REPIN1: variants seen among roughly 807,000 people sequenced by gnomAD.
REPIN1 encodes replication initiator 1.
REPIN1 carries 4 observed loss-of-function variants against 5.7 expected under a neutral mutation model. The observed-to-expected ratio is 0.71, with a 90% CI of 0.35 to 1.62. REPIN1 has a LOEUF of 1.62. Among genes scored for constraint, REPIN1 ranks in the 40% most tolerant of loss-of-function variants. The pLI is 0.05. For missense variants in REPIN1, 854 were observed against 901.0 expected, an observed-to-expected ratio of 0.95 and a Z score of 0.67; for synonymous variants, 410 against 386.2, an observed-to-expected ratio of 1.06 and a Z score of -0.72.
At chr7:150,368,783 C>G (rs1799105801), upstream of REPIN1, 1 of 289,340 alleles carries the variant, frequency 3.5e-6, no homozygotes, top group South Asian at 1.7e-4. Flanking sequence ...TCACGTGGCG[C>G]TGGGAACCCG....
In REPIN1 at chr7:150,372,508, C is replaced by A; in HGVS notation, c.1438C>A (p.Arg480Ser). 2 of 1,551,460 alleles carry A rather than the reference C, an allele frequency of 1.3e-6. No homozygotes were observed. The highest frequency in any genetic ancestry group is 1.2e-5 in the South Asian group (1 of 84,044). Residue 480 changes from arginine to serine, a missense_variant, in exon 3 of 3, where the codon CGC becomes AGC. Physicochemically the swap from Arg to Ser is moderately radical, Grantham distance 110 (BLOSUM62 -1). Transcript: ENST00000489432. The stretch of plus-strand genomic sequence containing the variant: ...GAAGACGCACCTGGTGGCGCACTCG[C>A]GCGTGCACTCCGGCGAGCGGCCCTT... ...GKKTHLVAHSRVHSGERPFAC... is the reference protein window; with the variant it reads ...GKKTHLVAHSSVHSGERPFAC...
chr7:150,372,366 C>T lies in REPIN1; in HGVS notation c.1296C>T (p.Tyr432=). The T allele has an allele frequency of 6.7e-7, 1 of 1,497,510 alleles. No individual in the cohort carries two copies. Among genetic ancestry groups the T allele is most frequent in the Non-Finnish European group, 8.8e-7 (1 of 1,131,116 alleles). The allele number at this position is 1,497,510 out of a possible 1,614,324, so 92.8% of individuals were successfully genotyped here. ...QDPIEAPPSL[Y]SCDDCGRSFR... ...CGATCGAAGCCCCCCCCTCCCTCTA[C>T]AGCTGCGACGACTGCGGCAGGAGCT... Residue 432 remains tyrosine (Y), a synonymous_variant, in exon 3 of 3, where the codon TAC becomes TAT. Transcript: ENST00000489432.
chr7:150,369,616 G>T, intron 1 of REPIN1, 55 bp from the exon 2 acceptor site: 1 of 1,529,812 alleles, frequency 6.5e-7, no homozygotes, highest in South Asian at 1.2e-5. Flanking sequence ...ACACAAAGCT[G>T]ACTGCCCTAG....
Position 150,369,463 on chromosome 7 carries a change from G to A in REPIN1, c.-41-208G>A, listed in dbSNP as rs1799282099. 5 of 544,912 alleles carry A rather than the reference G, an allele frequency of 9.2e-6. No homozygotes were observed. The East Asian group carries it at 1.6e-4, about 17-fold the overall frequency. The allele number at this position is 544,912 out of a possible 1,614,324, so 33.8% of individuals were successfully genotyped here. A position where few individuals can be genotyped will look rare whatever the true frequency, so the allele number is the denominator to read the frequency against. On this transcript the variant is annotated intron_variant, in intron 1 of 2. Coordinates refer to ENST00000489432, the MANE Select transcript of REPIN1 (RefSeq NM_001099695.2). The stretch of plus-strand genomic sequence containing the variant: ...CCTTACCAGGGAAGAAAGTGACCCC[G>A]AAAGACAGCAGTGTGCTTCCTTGTT...
intron 1 of REPIN1, chr7:150,369,397 A>G: frequency 9.0e-6 from 4 of 444,276 alleles, no homozygotes; most frequent in Non-Finnish European, 1.7e-5. Context: ...CATCAGGGAA[A>G]GCCCAGACTC....
Position 150,371,882 on chromosome 7 carries a change from C to CCCGG in REPIN1, c.815_818dup (p.Arg274AlafsTer61). 1 of 1,605,888 alleles carries CCCGG rather than the reference C, an allele frequency of 6.2e-7. No homozygotes were observed. The highest frequency in any genetic ancestry group is 1.1e-5 in the South Asian group (1 of 90,552). ...GAGGCCGCAGCCAAGGCTCTGGGGC[C>CCCGG]CCGGCCCAGGGGCCGCCCCGCGGTG... On this transcript the variant is annotated frameshift_variant, in exon 3 of 3. Transcript: ENST00000489432. LOFTEE classifies it low-confidence loss of function (END_TRUNC).
At chr7:150,370,677 T>G in intron 2 of REPIN1, 1 of 700,736 alleles carries the variant, frequency 1.4e-6, no homozygotes. Flanking sequence ...TCCCTAGTCT[T>G]GATTCTGCTG....
chr7:150,369,890 G>A (rs758671423), intron 2 of REPIN1, 22 bp downstream of exon 2: 20 of 1,565,356 alleles, frequency 1.3e-5, no homozygotes, highest in Admixed American at 1.8e-5. Context: ...CCTTTGCTGT[G>A]CTCCCAAACC....
At position 150,368,841 on chromosome 7, in the gene REPIN1, C is replaced by A; in HGVS notation, c.-142C>A. 3.1e-6 allele frequency: 1 copy of A among 325,800 alleles called. No individual in the cohort carries two copies. The highest frequency in any genetic ancestry group is 1.6e-4 in the South Asian group (1 of 6,412). The allele number at this position is 325,800 out of a possible 1,614,324, so 20.2% of individuals were successfully genotyped here. A position where few individuals can be genotyped will look rare whatever the true frequency, so the allele number is the denominator to read the frequency against. On this transcript the variant is annotated 5_prime_UTR_variant, in exon 1 of 3. Transcript: ENST00000489432. Reference sequence around the variant, plus strand: ...CCTGGCAGTTGTGAACTCGAACCTGCCGCTGTCGCCGCGGCGGGGCGGGGA... The same window carrying A: ...CCTGGCAGTTGTGAACTCGAACCTGACGCTGTCGCCGCGGCGGGGCGGGGA...
In REPIN1 at chr7:150,372,725, C is replaced by A. The variant is rs746239616; in HGVS notation, c.1655C>A (p.Ala552Asp). The A allele has an allele frequency of 7.4e-6, 12 of 1,611,828 alleles. No homozygotes were observed. The highest frequency in any genetic ancestry group is 5.4e-5 in the African/African-American group (4 of 74,722). Residue 552 changes from alanine (A) to aspartate (D), a missense_variant, in exon 3 of 3, where the codon GCC becomes GAC. Coordinates refer to ENST00000489432, the MANE Select transcript of REPIN1 (RefSeq NM_001099695.2). ...KPYVCPDCGK[A>D]FSQKSNLVSH... ...TACGTCTGCCCCGACTGCGGCAAAG[C>A]CTTCAGCCAGAAGTCCAACCTGGTG...
Position 150,371,803 on chromosome 7 carries a change from C to T in REPIN1, c.733C>T (p.Gln245Ter), listed in dbSNP as rs1290717908. 1 of 1,610,590 alleles carries T rather than the reference C, an allele frequency of 6.2e-7. No homozygotes were observed. Among genetic ancestry groups the T allele is most frequent in the Non-Finnish European group, 8.5e-7 (1 of 1,179,214 alleles). The part of the protein sequence containing the change: ...ICGNCGRSFA[Q>*]WDQLVAHKRV... ...CGGCAACTGTGGCCGGAGCTTTGCC[C>T]AGTGGGACCAGCTAGTTGCCCACAA... is the stretch of plus-strand genomic sequence containing the variant. Residue 245 changes from glutamine (Q) to a stop codon, truncating the protein, a stop_gained, in exon 3 of 3, where the codon CAG (glutamine) becomes TAG (stop). Transcript: ENST00000489432. LOFTEE classifies it low-confidence loss of function (END_TRUNC).
rs770154051 is a variant in REPIN1, at chr7:150,372,741, C to T, written c.1671C>T (p.Ser557=). 1 of 1,612,148 alleles carries T rather than the reference C, an allele frequency of 6.2e-7. No individual in the cohort carries two copies. The highest frequency in any genetic ancestry group is 8.5e-7 in the Non-Finnish European group (1 of 1,179,772). ...GCGGCAAAGCCTTCAGCCAGAAGTC[C>T]AACCTGGTGTCGCACCGGCGCATCC... ...PDCGKAFSQK[S]NLVSHRRIHT... The change falls in exon 3 of 3, where the codon TCC becomes TCT. Residue 557 remains serine, a synonymous_variant. Transcript: ENST00000489432.
At position 150,369,726 on chromosome 7, in the gene REPIN1, G is replaced by A. The variant is rs960130703; in HGVS notation, c.15G>A (p.Val5=). The change falls in exon 2 of 3, where the codon GTG becomes GTA. Residue 5 remains valine (V), a synonymous_variant. Coordinates refer to ENST00000489432, the MANE Select transcript of REPIN1 (RefSeq NM_001099695.2). ...TGAGCTCTGCCATGGGGATAGGGGT[G>A]TCTTTATTACTGCAGTTTTCTCTAA... is the stretch of plus-strand genomic sequence containing the variant. MGIG[V]SLLLQFSLTP... 1 of 1,613,962 alleles carries A rather than the reference G, an allele frequency of 6.2e-7. No homozygotes were observed. The highest frequency in any genetic ancestry group is 1.7e-5 in the Admixed American group (1 of 60,022).
Position 150,373,257 on chromosome 7 carries a change from C to G in REPIN1, c.*312C>G. ...CCTTAGAGCCCTCTGGCTAGAGGAG[C>G]CACCAGTGGAAAGGAAGACCCTCCA... is the stretch of plus-strand genomic sequence containing the variant. On this transcript the variant is annotated 3_prime_UTR_variant, in exon 3 of 3. Transcript: ENST00000489432. 2 of 417,324 alleles carry G rather than the reference C, an allele frequency of 4.8e-6. No homozygotes were observed. The highest frequency in any genetic ancestry group is 9.0e-6 in the Non-Finnish European group (2 of 222,652). 25.9% of individuals were successfully genotyped at this position (417,324 alleles called of 1,614,324 possible).
rs764423776 is a variant in REPIN1, at chr7:150,372,349, G to C, written c.1279G>C (p.Ala427Pro). 2.0e-6 allele frequency: 3 copies of C among 1,510,210 alleles called. No homozygotes were observed. The highest frequency in any genetic ancestry group is 1.4e-5 in the African/African-American group (1 of 71,030). 93.6% of individuals were successfully genotyped at this position (1,510,210 alleles called of 1,614,324 possible). ...PPEHPQDPIEAPPSLYSCDDC... is the reference protein window; with the variant it reads ...PPEHPQDPIEPPPSLYSCDDC... ...AGAGCACCCGCAGGACCCGATCGAA[G>C]CCCCCCCCTCCCTCTACAGCTGCGA... Residue 427 changes from alanine to proline, a missense_variant, in exon 3 of 3, where the codon GCC (alanine) becomes CCC (proline). Physicochemically the swap from Ala to Pro is conservative, Grantham distance 27 (BLOSUM62 -1). Around this residue, in one of 5 missense-constraint regions of REPIN1, gnomAD observed 327 missense variants for 307.8 expected, o/e 1.06. Transcript: ENST00000489432.
rs757277563 is a variant in REPIN1, at chr7:150,372,822, G to A, written c.1752G>A (p.Lys584=). 1.2e-6 allele frequency: 2 copies of A among 1,612,596 alleles called. No homozygotes were observed. The highest frequency in any genetic ancestry group is 8.5e-7 in the Non-Finnish European group (1 of 1,180,020). ...CPDCDRSFSQ[K]SNLITHRKSH... Reference sequence around the variant, plus strand: ...ACTGCGACCGCAGCTTCAGCCAGAAGTCCAACCTCATCACCCACCGCAAGA... The same window carrying A: ...ACTGCGACCGCAGCTTCAGCCAGAAATCCAACCTCATCACCCACCGCAAGA... The change falls in exon 3 of 3, where the codon AAG becomes AAA. Residue 584 remains lysine (K), a synonymous_variant. Coordinates refer to ENST00000489432, the MANE Select transcript of REPIN1 (RefSeq NM_001099695.2).
Position 150,371,802 on chromosome 7 carries a change from C to T in REPIN1, c.732C>T (p.Ala244=), listed in dbSNP as rs769020616. The T allele has an allele frequency of 1.2e-6, 2 of 1,610,670 alleles. No individual in the cohort carries two copies. The highest frequency in any genetic ancestry group is 1.7e-6 in the Non-Finnish European group (2 of 1,179,238). ...GCGGCAACTGTGGCCGGAGCTTTGC[C>T]CAGTGGGACCAGCTAGTTGCCCACA... is the stretch of plus-strand genomic sequence containing the variant. The part of the protein sequence containing the change: ...FICGNCGRSF[A]QWDQLVAHKR... Residue 244 remains alanine, a synonymous_variant, in exon 3 of 3, where the codon GCC becomes GCT. Coordinates refer to ENST00000489432, the MANE Select transcript of REPIN1 (RefSeq NM_001099695.2).
At chr7:150,370,085 G>A in intron 2 of REPIN1, 1 of 559,426 alleles carries the variant, frequency 1.8e-6, no homozygotes, top group Non-Finnish European at 3.0e-6. Flanking sequence ...AGCAGGCACA[G>A]AAGGGCCCTT....
rs751643800 is a variant in REPIN1, at chr7:150,372,818, A to T, written c.1748A>T (p.Gln583Leu). The change falls in exon 3 of 3, where the codon CAG becomes CTG. Residue 583 changes from glutamine to leucine, a missense_variant. Around this residue, in one of 5 missense-constraint regions of REPIN1, gnomAD observed 101 missense variants for 124.7 expected, o/e 0.81. Coordinates refer to ENST00000489432, the MANE Select transcript of REPIN1 (RefSeq NM_001099695.2). ...CCCGACTGCGACCGCAGCTTCAGCC[A>T]GAAGTCCAACCTCATCACCCACCGC... is the stretch of plus-strand genomic sequence containing the variant. ...ACPDCDRSFS[Q>L]KSNLITHRKS... is the part of the protein sequence containing the mutation. The T allele has an allele frequency of 6.2e-7, 1 of 1,612,584 alleles. No homozygotes were observed. Among genetic ancestry groups the T allele is most frequent in the Non-Finnish European group, 8.5e-7 (1 of 1,180,020 alleles).
Sources: allele counts gnomAD v4.1 joint callset, GRCh38; gene constraint gnomAD v4.1.1; regional missense constraint gnomAD v4.1.1; transcripts MANE v1.5; gene names NCBI Gene and HGNC (gene_info 2026-07-23, HGNC 2026-07-21).